CTNNBL1: variants seen among roughly 807,000 people sequenced by gnomAD.
CTNNBL1 encodes the protein catenin beta like 1.
A neutral mutation model predicts 72.7 loss-of-function variants in CTNNBL1; 31 were observed. The ratio of observed to expected loss-of-function variants is 0.43; its 90% CI spans 0.32 to 0.58. The LOEUF is 0.58. CTNNBL1 is among the 20% of genes least tolerant of loss of function. The pLI is 0.08. For missense variants in CTNNBL1, 534 were observed against 725.1 expected (o/e 0.74, Z 3.03); for synonymous variants, 240 against 267.3 (o/e 0.90, Z 1.00).
chr20:37,847,655 G>A (rs1484187527), intron 13 of CTNNBL1, among the ~76,000 whole-genome samples: 1 of 152,164 alleles, frequency 6.6e-6, no homozygotes, highest in African/African-American at 2.4e-5. Context: ...TCAGAAAGAA[G>A]ACATGATTAT....
Position 37,779,203 on chromosome 20 carries a change from A to G in CTNNBL1, c.899A>G (p.Asn300Ser). ...LQQLSVFKRHNPSTAEEQEMM... is the reference protein window; with the variant it reads ...LQQLSVFKRHSPSTAEEQEMM... ...GCTTGACAGGTGTTTAAAAGACACA[A>G]TCCCAGCACGGCTGAGGAGCAGGAG... The change falls in exon 10 of 16, where the codon AAT (asparagine) becomes AGT (serine). Residue 300 changes from asparagine (N) to serine (S), a missense_variant. By Grantham distance (46) the Asn-to-Ser change is conservative. Coordinates refer to ENST00000361383, the MANE Select transcript of CTNNBL1 (RefSeq NM_030877.5). The G allele has an allele frequency of 6.2e-7, 1 of 1,613,530 alleles. No homozygotes were observed. Among genetic ancestry groups the G allele is most frequent in the Non-Finnish European group, 8.5e-7 (1 of 1,179,674 alleles).
At chr20:37,814,059 A>G (rs1231916594) in intron 11 of CTNNBL1, among the ~76,000 whole-genome samples, 2 of 152,198 alleles carry the variant, frequency 1.3e-5, no homozygotes, top group Non-Finnish European at 2.9e-5. Context: ...TAGTTTATAG[A>G]TGAGAACACT....
chr20:37,806,205 A>G (rs985651785), intron 11 of CTNNBL1, among the ~76,000 whole-genome samples: 1 of 152,174 alleles, frequency 6.6e-6, no homozygotes, highest in Non-Finnish European at 1.5e-5. Context: ...CCTTCCCTAT[A>G]GGCAAGGCCA....
In CTNNBL1 at chr20:37,822,162, C is replaced by T. The variant is rs142997268; in HGVS notation, c.1214-17940C>T. Among the ~76,000 whole-genome samples the T allele has an allele frequency of 2.6e-3, 397 of 152,288 alleles. 2 individuals carry two copies. The highest frequency in any genetic ancestry group is 0.014 in the Middle Eastern group (4 of 294). On this transcript the variant is annotated intron_variant, in intron 11 of 15. Coordinates refer to ENST00000361383, the MANE Select transcript of CTNNBL1 (RefSeq NM_030877.5). ...CCAGCGTGTGTCTAACTCTACCACA[C>T]GTAGTTTCTAGAGGCTACCAGGGTG...
rs535858671 is a variant in CTNNBL1 at position 37,854,604 on chromosome 20, A to T, written c.1393-5295A>T. 1.9e-4 allele frequency among the ~76,000 whole-genome samples: 22 copies of T among 114,536 alleles called. No homozygotes were observed. The East Asian group carries it at 5.7e-3, about 30-fold the overall frequency. The allele number at this position is 114,536 out of a possible 152,430, so 75.1% of individuals were successfully genotyped here. ...TATTATTATTATTATTATTATTATT[A>T]TTTGAGACGGAGTTTTGCTCTGTGC... On this transcript the variant is annotated intron_variant, in intron 13 of 15. Coordinates refer to ENST00000361383, the MANE Select transcript of CTNNBL1 (RefSeq NM_030877.5).
intron 4 of CTNNBL1, among the ~76,000 whole-genome samples, chr20:37,754,951 G>A (rs1040390158): frequency 6.6e-6 from 1 of 151,846 alleles, no homozygotes; most frequent in Non-Finnish European, 1.5e-5. Context: ...GGGATTACAG[G>A]CATGTGCCAC....
intron 1 of CTNNBL1, among the ~76,000 whole-genome samples, chr20:37,708,970 C>G (rs892227208): frequency 3.9e-5 from 6 of 152,122 alleles, no homozygotes; most frequent in Non-Finnish European, 4.4e-5. Flanking sequence ...AACCCTGTCT[C>G]TACTGAAAAT....
Position 37,872,040 on chromosome 20 carries a change from A to G in CTNNBL1, c.*27A>G, listed in dbSNP as rs2122889490. ...GGCACCTTGGCCCTGCGCATCATGGACTCTCTCAGCTTCCCTCCCAGGATC... is the reference window on the plus strand; with the variant it reads ...GGCACCTTGGCCCTGCGCATCATGGGCTCTCTCAGCTTCCCTCCCAGGATC... On this transcript the variant is annotated 3_prime_UTR_variant, in exon 16 of 16. Transcript: ENST00000361383. 1 of 1,563,840 alleles carries G rather than the reference A, an allele frequency of 6.4e-7. No homozygotes were observed. Among genetic ancestry groups the G allele is most frequent in the Non-Finnish European group, 8.8e-7 (1 of 1,134,646 alleles).
chr20:37,707,722 G>A (rs952413959), intron 1 of CTNNBL1, among the ~76,000 whole-genome samples: 2 of 152,178 alleles, frequency 1.3e-5, no homozygotes, highest in Admixed American at 1.3e-4. Flanking sequence ...GTGCATTCAC[G>A]CTTTTCTGTC....
intron 10 of CTNNBL1, among the ~76,000 whole-genome samples, chr20:37,795,820 G>C (rs530342675): frequency 5.1e-4 from 76 of 149,572 alleles, no homozygotes; most frequent in Non-Finnish European, 9.0e-4. Context: ...TCTCCTCTCT[G>C]TGGGTCACAT....
chr20:37,842,298 G>A, intron 12 of CTNNBL1, 41 bp from the exon 13 acceptor site: 1 of 1,408,778 alleles, frequency 7.1e-7, no homozygotes, highest in African/African-American at 1.4e-5. Flanking sequence ...GCTGTGCGTT[G>A]TCTTTCCTTC....
chr20:37,779,360 C>G (rs376231835), intron 10 of CTNNBL1, 25 bp downstream of exon 10: 4 of 1,607,238 alleles, frequency 2.5e-6, no homozygotes, highest in Non-Finnish European at 3.4e-6. Flanking sequence ...CCCTAGTTCT[C>G]CCACCTTTTT....
At chr20:37,815,244 A>C (rs1228226834) in intron 11 of CTNNBL1, among the ~76,000 whole-genome samples, 1 of 151,974 alleles carries the variant, frequency 6.6e-6, no homozygotes, top group Non-Finnish European at 1.5e-5. Flanking sequence ...TTTCAGGTGA[A>C]ATGATTAGGA....
At chr20:37,740,007 C>T (rs2073201720) in intron 3 of CTNNBL1, among the ~76,000 whole-genome samples, 1 of 152,176 alleles carries the variant, frequency 6.6e-6, no homozygotes. Flanking sequence ...CAATTTGGAG[C>T]AGAGTTTCTG....
In CTNNBL1 at chr20:37,708,933, T is replaced by TC. The variant is rs1269374959; in HGVS notation, c.30+14782dup. 2.0e-5 allele frequency among the ~76,000 whole-genome samples: 3 copies of TC among 152,164 alleles called. No homozygotes were observed. The East Asian group carries it at 5.8e-4, about 29-fold the overall frequency. On this transcript the variant is annotated intron_variant, in intron 1 of 15. Transcript: ENST00000361383. ...GTGGGCGAATTATGAGGTCAAGAGA[T>TC]CGAGACCATCCTGGCCAACATGGTG...
intron 1 of CTNNBL1, among the ~76,000 whole-genome samples, chr20:37,706,186 G>T (rs565839645): frequency 8.5e-5 from 13 of 152,320 alleles, no homozygotes; most frequent in South Asian, 2.1e-4. Flanking sequence ...GCTGGCTGCT[G>T]ACTGATTAGG....
chr20:37,706,336 G>C (rs1219247821), intron 1 of CTNNBL1, among the ~76,000 whole-genome samples: 1 of 152,218 alleles, frequency 6.6e-6, no homozygotes, highest in Non-Finnish European at 1.5e-5. Context: ...ACCCACAGTA[G>C]AACTTTTTTC....
At chr20:37,780,672 T>C (rs1423885191) in intron 10 of CTNNBL1, among the ~76,000 whole-genome samples, 4 of 152,192 alleles carry the variant, frequency 2.6e-5, no homozygotes, top group Admixed American at 2.6e-4. Flanking sequence ...TTTGCCGTTA[T>C]AACAAATTCT....
intron 3 of CTNNBL1, among the ~76,000 whole-genome samples, chr20:37,740,311 A>G (rs747399345): frequency 1.3e-5 from 2 of 152,214 alleles, no homozygotes; most frequent in Non-Finnish European, 2.9e-5. Context: ...AGGTGAAATT[A>G]AGATGAAAAT....
Sources: allele counts gnomAD v4.1 joint callset (sites outside exome capture counted in the v4.1 genomes callset), GRCh38; gene constraint gnomAD v4.1.1; transcripts MANE v1.5; gene names NCBI Gene and HGNC (gene_info 2026-07-23, HGNC 2026-07-21).